Variants in NRG2 observed in about 807,000 individuals in gnomAD.
The protein encoded by NRG2 is pro-neuregulin-2, membrane-bound isoform.
Under a neutral mutation model 73.9 loss-of-function variants are expected in NRG2, and 27 were observed. The observed-to-expected ratio is 0.37, with a 90% CI of 0.27 to 0.50. The LOEUF is 0.50. NRG2 is among the 20% of genes least tolerant of loss of function. The pLI is 0.96. For synonymous variants in NRG2, 532 were observed against 541.0 expected, an observed-to-expected ratio of 0.98 and a Z score of 0.23; for missense variants, 1,126 against 1,210.1, an observed-to-expected ratio of 0.93 and a Z score of 1.03.
chr5:139,921,090 A>G (rs900728239), intron 1 of NRG2, among the ~76,000 whole-genome samples: 1 of 152,244 alleles, frequency 6.6e-6, no homozygotes, highest in African/African-American at 2.4e-5. Flanking sequence ...CTGATAAACA[A>G]AATCAAAGAA....
chr5:139,968,545 ACCTTCCTCCACGC>A (rs1755731946), intron 1 of NRG2, among the ~76,000 whole-genome samples: 1 of 152,136 alleles, frequency 6.6e-6, no homozygotes, highest in Non-Finnish European at 1.5e-5. Context: ...AGACAGCAGC[ACCTTCCTCCACGC>A]CTGCAGGGGA....
intron 1 of NRG2, among the ~76,000 whole-genome samples, chr5:140,018,180 C>T (rs968894527): frequency 1.3e-5 from 2 of 152,068 alleles, no homozygotes; most frequent in African/African-American, 2.4e-5. Flanking sequence ...AACTACACTC[C>T]GTTCTCTGCA....
At chr5:139,878,630 A>G (rs866206041) in intron 3 of NRG2, among the ~76,000 whole-genome samples, 21 of 152,218 alleles carry the variant, frequency 1.4e-4, no homozygotes, top group African/African-American at 4.8e-4. Flanking sequence ...CCAGTTTTAT[A>G]AGCCAATAAA....
chr5:140,034,021 C>T lies in NRG2; in HGVS notation c.700+8349G>A, dbSNP rs910195865. 4.0e-5 allele frequency among the ~76,000 whole-genome samples: 6 copies of T among 151,532 alleles called. No individual in the cohort carries two copies. The South Asian group carries it at 6.2e-4, about 16-fold the overall frequency. On this transcript the variant is annotated intron_variant, in intron 1 of 9. Coordinates refer to ENST00000361474, the MANE Select transcript of NRG2 (RefSeq NM_004883.3). ...TCACCCAGGCTGCAGTGCAGTGGCG[C>T]GATCTTGGCTCACTGCAACCTCTGC...
At chr5:140,018,201 G>A (rs1264297590) in intron 1 of NRG2, among the ~76,000 whole-genome samples, 2 of 152,110 alleles carry the variant, frequency 1.3e-5, no homozygotes, top group Non-Finnish European at 2.9e-5. Context: ...AAGCTCCTGA[G>A]TCAGAACAAG....
intron 1 of NRG2, among the ~76,000 whole-genome samples, chr5:139,951,170 T>C (rs771099073): frequency 2.6e-5 from 4 of 152,230 alleles, no homozygotes; most frequent in Admixed American, 2.6e-4. Flanking sequence ...ACTGAGAAGG[T>C]ACACATTTGC....
chr5:139,948,586 C>T (rs1366200813), intron 1 of NRG2, among the ~76,000 whole-genome samples: 1 of 152,208 alleles, frequency 6.6e-6, no homozygotes, highest in Non-Finnish European at 1.5e-5. Flanking sequence ...TGAGCATCTG[C>T]AATGTTGTAT....
intron 1 of NRG2, among the ~76,000 whole-genome samples, chr5:139,956,738 T>C (rs182016914): frequency 2.6e-5 from 4 of 152,232 alleles, no homozygotes; most frequent in Admixed American, 2.6e-4. Context: ...ACAGGCAGGA[T>C]GTGGAAATTC....
intron 5 of NRG2, among the ~76,000 whole-genome samples, chr5:139,857,737 G>A (rs751802757): frequency 3.3e-5 from 5 of 151,852 alleles, no homozygotes; most frequent in Admixed American, 2.0e-4. Flanking sequence ...ACTCCTACTC[G>A]ACTCTTCCCA....
At chr5:139,858,824 A>T (rs935265339) in intron 5 of NRG2, among the ~76,000 whole-genome samples, 1 of 152,102 alleles carries the variant, frequency 6.6e-6, no homozygotes, top group East Asian at 1.9e-4. Flanking sequence ...CCCCACACGG[A>T]CTCAATGCCT....
chr5:139,958,819 C>T (rs897569886), intron 1 of NRG2, among the ~76,000 whole-genome samples: 2 of 148,450 alleles, frequency 1.3e-5, no homozygotes, highest in South Asian at 2.3e-4. Flanking sequence ...GAGACTTTAC[C>T]TTCTAGACAT....
intron 1 of NRG2, among the ~76,000 whole-genome samples, chr5:139,927,879 A>T (rs2126355464): frequency 6.6e-6 from 1 of 151,906 alleles, no homozygotes; most frequent in Middle Eastern, 3.4e-3. Flanking sequence ...CCCCAGGATT[A>T]TTTCACTGGC....
At chr5:139,882,249 G>A (rs1380539345) in intron 2 of NRG2, among the ~76,000 whole-genome samples, 1 of 152,068 alleles carries the variant, frequency 6.6e-6, no homozygotes, top group African/African-American at 2.4e-5. Context: ...AAGCAGATAG[G>A]CTGGGCCAGG....
intron 1 of NRG2, among the ~76,000 whole-genome samples, chr5:139,938,888 GAAAGAAAGAAAGA>G (rs1561693709): frequency 1.1e-3 from 75 of 67,616 alleles, no homozygotes; most frequent in South Asian, 4.7e-3. Flanking sequence ...GAGAAGGAAA[GAAAGAAAGAAAGA>G]AAGAAAAGAA....
intron 2 of NRG2, among the ~76,000 whole-genome samples, chr5:139,886,799 C>G (rs1041958503): frequency 6.6e-6 from 1 of 152,190 alleles, no homozygotes; most frequent in Non-Finnish European, 1.5e-5. Context: ...GGATTAAAGA[C>G]AATTCTCAAC....
At chr5:140,005,850 G>T (rs1265115450) in intron 1 of NRG2, among the ~76,000 whole-genome samples, 4 of 152,214 alleles carry the variant, frequency 2.6e-5, no homozygotes, top group Non-Finnish European at 5.9e-5. Flanking sequence ...GTAGGGTTCA[G>T]GGGAGGGTGC....
intron 1 of NRG2, among the ~76,000 whole-genome samples, chr5:139,926,695 G>C (rs1054909788): frequency 1.3e-5 from 2 of 152,120 alleles, no homozygotes; most frequent in African/African-American, 4.8e-5. Flanking sequence ...CTCAGGCAAG[G>C]CTGCCTCTAA....
At chr5:140,005,672 C>T (rs769681953) in intron 1 of NRG2, among the ~76,000 whole-genome samples, 11 of 152,222 alleles carry the variant, frequency 7.2e-5, no homozygotes, top group African/African-American at 2.4e-4. Flanking sequence ...GAGCCAATAC[C>T]TCAGCTACCA....
intron 2 of NRG2, among the ~76,000 whole-genome samples, chr5:139,886,277 CTT>C (rs1320143711): frequency 6.6e-6 from 1 of 152,168 alleles, no homozygotes; most frequent in East Asian, 1.9e-4. Flanking sequence ...CCTTTAACCT[CTT>C]TTACAGGTTC....
Sources: gnomAD v4.1 joint callset for allele counts (sites outside exome capture counted in the v4.1 genomes callset) on GRCh38, gnomAD v4.1.1 for gene constraint, MANE v1.5 for transcripts, NCBI Gene and HGNC (gene_info 2026-07-23, HGNC 2026-07-21) for gene names.